The following PACRG variants were observed in gnomAD, a reference collection of about 807,000 sequenced individuals.
PACRG encodes the protein parkin coregulated.
In PACRG, 29 loss-of-function variants were observed where a neutral mutation model predicts 29.7. That is an observed-to-expected ratio of 0.98 (90% CI 0.73 to 1.33). PACRG has a LOEUF of 1.33. Among genes scored for constraint, PACRG ranks in the 40% most tolerant of loss-of-function variants. PACRG has a pLI of 0.00. For missense variants in PACRG, 279 were observed against 316.2 expected (o/e 0.88, Z 0.89); for synonymous variants, 116 against 118.7 (o/e 0.98, Z 0.15).
chr6:163,299,069 T>C (rs1784889487), intron 4 of PACRG, among the ~76,000 whole-genome samples: 1 of 152,228 alleles, frequency 6.6e-6, no homozygotes, highest in Non-Finnish European at 1.5e-5. Context: ...TCTGCCAGAA[T>C]GTGAGCCCCC....
chr6:162,924,582 G>A (rs1317454403), intron 2 of PACRG, among the ~76,000 whole-genome samples: 1 of 151,998 alleles, frequency 6.6e-6, no homozygotes, highest in Non-Finnish European at 1.5e-5. Context: ...TTTGTTGAGA[G>A]TTTTTATTGT....
intron 2 of PACRG, among the ~76,000 whole-genome samples, chr6:162,939,546 T>C (rs1032747744): frequency 3.3e-5 from 5 of 152,140 alleles, no homozygotes; most frequent in Non-Finnish European, 7.4e-5. Flanking sequence ...TTTGGTGTTT[T>C]TCTTTATTCC....
At chr6:163,287,027 CGTGTGT>C (rs140579769) in intron 4 of PACRG, among the ~76,000 whole-genome samples, 1 of 150,730 alleles carries the variant, frequency 6.6e-6, no homozygotes, top group Non-Finnish European at 1.5e-5. Context: ...TGTGTATGTG[CGTGTGT>C]GTGTGTGTGT....
chr6:162,790,515 CAT>C (rs150507654), intron 1 of PACRG, among the ~76,000 whole-genome samples: 47 of 149,102 alleles, frequency 3.2e-4, no homozygotes, highest in African/African-American at 4.6e-4. Context: ...TAGTTTTCTC[CAT>C]ATATATATAT....
chr6:163,095,687 T>C (rs1376151424), intron 4 of PACRG, among the ~76,000 whole-genome samples: 4 of 152,106 alleles, frequency 2.6e-5, no homozygotes, highest in Non-Finnish European at 5.9e-5. Flanking sequence ...TGTGGCCTTT[T>C]TTCCTGTGCG....
At chr6:163,235,934 G>GT (rs1029845848) in intron 4 of PACRG, among the ~76,000 whole-genome samples, 7 of 151,166 alleles carry the variant, frequency 4.6e-5, no homozygotes, top group Admixed American at 1.3e-4. Context: ...GAAAAAAGTT[G>GT]TTTTTTTTGT....
At chr6:163,232,996 G>T (rs1170680281) in intron 4 of PACRG, among the ~76,000 whole-genome samples, 5 of 152,220 alleles carry the variant, frequency 3.3e-5, no homozygotes, top group Admixed American at 3.3e-4. Flanking sequence ...AGCTGGAGTG[G>T]CCCTGCCAGT....
chr6:163,159,661 G>C (rs905592347), intron 4 of PACRG, among the ~76,000 whole-genome samples: 1 of 152,000 alleles, frequency 6.6e-6, no homozygotes, highest in Non-Finnish European at 1.5e-5. Flanking sequence ...ACAAGGTCAG[G>C]GGTGACATTG....
At chr6:162,885,762 A>T (rs12660446) in intron 2 of PACRG, among the ~76,000 whole-genome samples, 24,488 of 151,732 alleles carry the variant, frequency 0.16, 2,442 homozygotes, top group East Asian at 0.35. Flanking sequence ...GTGTGCGTGC[A>T]CACGTGCATG....
chr6:162,884,062 C>T (rs13201021), intron 2 of PACRG, among the ~76,000 whole-genome samples: 15,162 of 152,104 alleles, frequency 0.1, 999 homozygotes, highest in African/African-American at 0.18. Flanking sequence ...CTCAACCTCC[C>T]GCCTAAGTCC....
chr6:163,004,161 T>C (rs1303343558), intron 2 of PACRG, among the ~76,000 whole-genome samples: 1 of 151,664 alleles, frequency 6.6e-6, no homozygotes, highest in Non-Finnish European at 1.5e-5. Flanking sequence ...ATTTCAGAGC[T>C]TTCATTGCAT....
intron 4 of PACRG, among the ~76,000 whole-genome samples, chr6:163,281,419 G>A (rs1585396641): frequency 6.6e-6 from 1 of 152,298 alleles, no homozygotes; most frequent in East Asian, 1.9e-4. Flanking sequence ...AGCTGGCATG[G>A]CTGGAGCTGT....
At chr6:163,069,185 G>A (rs939528492) in intron 3 of PACRG, among the ~76,000 whole-genome samples, 1 of 151,148 alleles carries the variant, frequency 6.6e-6, no homozygotes, top group Non-Finnish European at 1.5e-5. Context: ...TTCCAAAACA[G>A]GATAGCTATA....
Position 163,264,563 on chromosome 6 carries a change from C to T in PACRG, c.614-50264C>T, listed in dbSNP as rs536312508. ...GGTCACAGGTGTGGTTGAGAAGAGC[C>T]GCCCAGAAACAAGATCTGGGCTGGG... On this transcript the variant is annotated intron_variant, in intron 4 of 4. Coordinates refer to ENST00000366888, the MANE Select transcript of PACRG (RefSeq NM_001080379.2). Among the ~76,000 whole-genome samples the T allele has an allele frequency of 7.0e-4, 107 of 152,204 alleles. 2 individuals are homozygous for T. In the South Asian group the frequency reaches 0.011, roughly 16 times the overall value.
chr6:163,309,790 C>T (rs1785339336), intron 4 of PACRG, among the ~76,000 whole-genome samples: 2 of 152,176 alleles, frequency 1.3e-5, no homozygotes, highest in South Asian at 4.1e-4. Flanking sequence ...CTGCCTTCCC[C>T]GGTGTGGTCT....
intron 4 of PACRG, among the ~76,000 whole-genome samples, chr6:163,144,562 A>G (rs897046007): frequency 5.3e-5 from 8 of 152,152 alleles, no homozygotes; most frequent in Non-Finnish European, 8.8e-5. Flanking sequence ...TGAGGTCAGG[A>G]GTTCGAGACC....
chr6:162,728,822 T>C (rs1384261844), intron 1 of PACRG, among the ~76,000 whole-genome samples: 2 of 152,158 alleles, frequency 1.3e-5, no homozygotes, highest in African/African-American at 4.8e-5. Context: ...TGAAATAATC[T>C]ATAATGAGAA....
At position 163,123,519 on chromosome 6, in the gene PACRG, T is replaced by C. The variant is rs577071825; in HGVS notation, c.613+34111T>C. ...CTAAAAATTATTTCTTAATAACTCC[T>C]ATATTACTACCCTCCTAACAGAATT... is the stretch of plus-strand genomic sequence containing the variant. On this transcript the variant is annotated intron_variant, in intron 4 of 4. Coordinates refer to ENST00000366888, the MANE Select transcript of PACRG (RefSeq NM_001080379.2). Among the ~76,000 whole-genome samples, 50 of 152,274 alleles carry C rather than the reference T, an allele frequency of 3.3e-4. 1 individual carries two copies. The South Asian group carries it at 9.8e-3, about 30-fold the overall frequency.
At chr6:163,288,051 T>C (rs1036655918) in intron 4 of PACRG, among the ~76,000 whole-genome samples, 1 of 152,268 alleles carries the variant, frequency 6.6e-6, no homozygotes, top group African/African-American at 2.4e-5. Flanking sequence ...ACATTTATTC[T>C]GTATCATCTT....
Sources: gnomAD v4.1 joint callset for allele counts (sites outside exome capture counted in the v4.1 genomes callset) on GRCh38, gnomAD v4.1.1 for gene constraint, MANE v1.5 for transcripts, NCBI Gene and HGNC (gene_info 2026-07-23, HGNC 2026-07-21) for gene names.